RAET1G: variants seen among roughly 807,000 people sequenced by gnomAD.
RAET1G encodes retinoic acid early transcript 1G.
In RAET1G, 25 loss-of-function variants were observed where a neutral mutation model predicts 29.5. That is an observed-to-expected ratio of 0.85 (90% CI 0.62 to 1.18). The LOEUF (loss-of-function observed/expected upper bound fraction) is 1.18, where lower values mean the gene tolerates loss of function less well. RAET1G is among the 50% of genes most tolerant of loss of function. RAET1G has a pLI of 0.00. For missense variants in RAET1G, 434 were observed against 423.6 expected (o/e 1.02, Z -0.22); for synonymous variants, 167 against 159.5 (o/e 1.05, Z -0.36).
At chr6:149,920,979 A>G (rs1183846070) in intron 1 of RAET1G, among the ~76,000 whole-genome samples, 2 of 152,262 alleles carry the variant, frequency 1.3e-5, no homozygotes, top group Non-Finnish European at 2.9e-5. Flanking sequence ...CCGTGAACCC[A>G]TGACTAGAAG....
At chr6:149,920,895 G>A (rs1778586100) in intron 1 of RAET1G, among the ~76,000 whole-genome samples, 1 of 152,222 alleles carries the variant, frequency 6.6e-6, no homozygotes, top group African/African-American at 2.4e-5. Context: ...TGGATGACCA[G>A]GAGGCTGAAA....
intron 4 of RAET1G, 43 bp downstream of exon 4, chr6:149,918,131 C>T: frequency 1.3e-6 from 2 of 1,565,434 alleles, no homozygotes; most frequent in Non-Finnish European, 1.8e-6. Context: ...CCTCCCTCCT[C>T]ACCCACCTGC....
At position 149,917,109 on chromosome 6, in the gene RAET1G, T is replaced by A. The variant is rs758404896; in HGVS notation, c.843-35A>T. 6 of 1,513,000 alleles carry A rather than the reference T, an allele frequency of 4.0e-6. No individual in the cohort carries two copies. In the South Asian group the frequency reaches 7.8e-5, roughly 20 times the overall value. The allele number at this position is 1,513,000 out of a possible 1,614,324, so 93.7% of individuals were successfully genotyped here. A position where few individuals can be genotyped will look rare whatever the true frequency, so the allele number is the denominator to read the frequency against. ...AGAGAGAGAGGACAGCTTACGTCAT[T>A]GTTTCTTCTATGTATTTCTCGGACT... is the stretch of plus-strand genomic sequence containing the variant. On this transcript the variant is annotated intron_variant, in intron 4 of 4. Coordinates refer to ENST00000367360, the MANE Select transcript of RAET1G (RefSeq NM_001001788.4).
chr6:149,920,160 G>A (rs892930856), intron 1 of RAET1G, among the ~76,000 whole-genome samples: 2 of 152,196 alleles, frequency 1.3e-5, no homozygotes, highest in Non-Finnish European at 2.9e-5. Context: ...AGTAGCCCAC[G>A]TGGACTGTGG....
intron 1 of RAET1G, among the ~76,000 whole-genome samples, chr6:149,921,835 A>T (rs1308459926): frequency 6.6e-6 from 1 of 152,006 alleles, no homozygotes; most frequent in African/African-American, 2.4e-5. Context: ...ACCATAGGGG[A>T]TGGGGTACTA....
At position 149,918,219 on chromosome 6, in the gene RAET1G, AG is replaced by A; in HGVS notation, c.796del (p.Leu266CysfsTer8). ...CCTCAGCAGCCAGGTAGGATGAAGC[AG>A]GGGAGGATGAGGAGGAGGCTGCAGG... Reference protein sequence around the residue: ...QSLQPPPHPPLLHPTWLLRRV... With the variant: ...QSLQPPPHPPXLHPTWLLRRV... On this transcript the variant is annotated frameshift_variant, in exon 4 of 5. Coordinates refer to ENST00000367360, the MANE Select transcript of RAET1G (RefSeq NM_001001788.4). LOFTEE classifies it low-confidence loss of function (END_TRUNC). 1 of 1,614,180 alleles carries A rather than the reference AG, an allele frequency of 6.2e-7. No homozygotes were observed. The highest frequency in any genetic ancestry group is 8.5e-7 in the Non-Finnish European group (1 of 1,180,032).
chr6:149,918,360 G>T lies in RAET1G; in HGVS notation c.656C>A (p.Thr219Lys). 1 of 1,614,184 alleles carries T rather than the reference G, an allele frequency of 6.2e-7. No individual in the cohort carries two copies. Reference sequence around the variant, plus strand: ...GGTGGCCGTGGCCCTGGGTTGGGCTGTGCCTGAGGACATGGTGGGTGGTGC... The same window carrying T: ...GGTGGCCGTGGCCCTGGGTTGGGCTTTGCCTGAGGACATGGTGGGTGGTGC... ...AGAPPTMSSG[T>K]AQPRATATTL... The change falls in exon 4 of 5, where the codon ACA becomes AAA. Residue 219 changes from threonine (T) to lysine (K), a missense_variant. By Grantham distance (78) the Thr-to-Lys change is moderately conservative. Coordinates refer to ENST00000367360, the MANE Select transcript of RAET1G (RefSeq NM_001001788.4).
chr6:149,919,918 T>C, intron 1 of RAET1G, 102 bp from the exon 2 acceptor site: 2 of 1,605,356 alleles, frequency 1.2e-6, no homozygotes, highest in Non-Finnish European at 1.7e-6. Flanking sequence ...AGGGCTGGGC[T>C]GGCCCAGCAA....
chr6:149,918,074 A>G, intron 4 of RAET1G, 100 bp downstream of exon 4: 2 of 1,026,888 alleles, frequency 1.9e-6, no homozygotes, highest in South Asian at 1.5e-5. Context: ...TAGGATGAGA[A>G]GGTCCCAGCC....
intron 2 of RAET1G, 78 bp from the exon 3 acceptor site, chr6:149,919,402 G>A (rs1252021671): frequency 6.3e-7 from 1 of 1,596,712 alleles, no homozygotes; most frequent in African/African-American, 1.3e-5. Context: ...CAATTTCCTG[G>A]TCTTACTTGC....
chr6:149,918,495 C>T, intron 3 of RAET1G, 111 bp from the exon 4 acceptor site: 2 of 1,266,178 alleles, frequency 1.6e-6, no homozygotes, highest in Non-Finnish European at 2.3e-6. Context: ...GTTTTGTCCC[C>T]TCTGCTATGG....
At chr6:149,920,873 T>G (rs1206654562) in intron 1 of RAET1G, among the ~76,000 whole-genome samples, 1 of 152,006 alleles carries the variant, frequency 6.6e-6, no homozygotes, top group Non-Finnish European at 1.5e-5. Flanking sequence ...GAAACAGAGA[T>G]AAAACAAATG....
At chr6:149,918,424 C>T in intron 3 of RAET1G, 40 bp from the exon 4 acceptor site, 1 of 1,599,624 alleles carries the variant, frequency 6.3e-7, no homozygotes, top group Non-Finnish European at 8.6e-7. Context: ...TTGTCCAGGC[C>T]CCAAATCTGA....
chr6:149,918,769 A>C (rs1562478971), intron 3 of RAET1G: 8 of 607,792 alleles, frequency 1.3e-5, no homozygotes, highest in Non-Finnish European at 1.4e-5. Flanking sequence ...GAAAGGCCTG[A>C]AAATAGTGAC....
At chr6:149,919,895 A>C (rs561002165) in intron 1 of RAET1G, 79 bp from the exon 2 acceptor site, 1 of 1,611,354 alleles carries the variant, frequency 6.2e-7, no homozygotes, top group Non-Finnish European at 8.5e-7. Flanking sequence ...TGACAATAAG[A>C]GGAAGCCTCT....
intron 1 of RAET1G, 73 bp from the exon 2 acceptor site, chr6:149,919,889 A>T: frequency 6.2e-7 from 1 of 1,611,662 alleles, no homozygotes; most frequent in South Asian, 1.1e-5. Flanking sequence ...ACACTGTGAC[A>T]ATAAGAGGAA....
chr6:149,918,560 C>T (rs1778508667), intron 3 of RAET1G, 176 bp from the exon 4 acceptor site: 1 of 727,274 alleles, frequency 1.4e-6, no homozygotes. Flanking sequence ...GTCCCTTGGC[C>T]TCAGGGAGCT....
At chr6:149,918,460 A>T in intron 3 of RAET1G, 76 bp from the exon 4 acceptor site, 1 of 1,492,704 alleles carries the variant, frequency 6.7e-7, no homozygotes, top group Middle Eastern at 1.7e-4. Flanking sequence ...GCTCCTGCTG[A>T]CCCAGGTCAT....
At chr6:149,917,158 A>G (rs1184195741) in intron 4 of RAET1G, 84 bp from the exon 5 acceptor site, 1 of 1,434,738 alleles carries the variant, frequency 7.0e-7, no homozygotes, top group Non-Finnish European at 9.2e-7. Flanking sequence ...TAATTCTGCT[A>G]CCGCTATCTA....
Sources: gnomAD v4.1 joint callset for allele counts (sites outside exome capture counted in the v4.1 genomes callset) on GRCh38, gnomAD v4.1.1 for gene constraint, MANE v1.5 for transcripts, NCBI Gene and HGNC (gene_info 2026-07-23, HGNC 2026-07-21) for gene names.